Variants in CSRP1 observed in about 807,000 individuals in gnomAD.
CSRP1 encodes cysteine and glycine rich protein 1.
Under a neutral mutation model 25.4 loss-of-function variants are expected in CSRP1, and 16 were observed. The ratio of observed to expected loss-of-function variants is 0.63; its 90% confidence interval spans 0.43 to 0.96. The LOEUF (loss-of-function observed/expected upper bound fraction) is 0.96. Ranked by LOEUF, CSRP1 falls within the 40% of genes least tolerant of loss-of-function variation. The pLI, the probability that CSRP1 is intolerant of heterozygous loss-of-function variation, is 0.00. For synonymous variants in CSRP1, 97 were observed against 95.3 expected, an observed-to-expected ratio of 1.02 and a Z score of -0.10; for missense variants, 212 against 243.6, an observed-to-expected ratio of 0.87 and a Z score of 0.86.
intron 1 of CSRP1, among the ~76,000 whole-genome samples, chr1:201,505,960 A>C (rs1664812130): frequency 6.6e-6 from 1 of 152,188 alleles, no homozygotes; most frequent in Non-Finnish European, 1.5e-5. Flanking sequence ...GAGGACAAGA[A>C]AGACAGTAAC....
chr1:201,505,637 G>A (rs115446669), intron 1 of CSRP1, among the ~76,000 whole-genome samples: 67 of 152,296 alleles, frequency 4.4e-4, no homozygotes, highest in African/African-American at 1.4e-3. Flanking sequence ...CCTCCGCCCC[G>A]GATATCCTCT....
chr1:201,505,185 C>G (rs1664786189), intron 1 of CSRP1, among the ~76,000 whole-genome samples: 1 of 152,174 alleles, frequency 6.6e-6, no homozygotes, highest in Non-Finnish European at 1.5e-5. Flanking sequence ...GAAAAACTGG[C>G]TAGTAACTAT....
chr1:201,487,745 G>A (rs1664192217), intron 4 of CSRP1: 1 of 152,192 alleles, frequency 6.6e-6, no homozygotes, highest in Non-Finnish European at 1.5e-5. Context: ...ACAAACCTGG[G>A]CTTGAGTCTG....
chr1:201,500,523 G>A (rs1014977404), intron 1 of CSRP1, among the ~76,000 whole-genome samples: 1 of 152,280 alleles, frequency 6.6e-6, no homozygotes, highest in African/African-American at 2.4e-5. Flanking sequence ...CATTTAGTTA[G>A]GGCGAGGGTG....
intron 1 of CSRP1, among the ~76,000 whole-genome samples, chr1:201,504,448 C>T (rs1055167525): frequency 1.4e-4 from 21 of 152,242 alleles, no homozygotes; most frequent in Admixed American, 1.2e-3. Flanking sequence ...ACAATATGCC[C>T]TGAGTAATGC....
At position 201,486,946 on chromosome 1, in the gene CSRP1, T is replaced by C. The variant is rs1293603976; in HGVS notation, c.412-1570A>G. ...AACAAAAAACCCAACTTAATAATAA[T>C]ATTAATGTCTCCTGTTTTCATATCC... On this transcript the variant is annotated intron_variant, in intron 4 of 5. Coordinates refer to ENST00000340006, the MANE Select transcript of CSRP1 (RefSeq NM_004078.3). The C allele has an allele frequency of 1.2e-5, 15 of 1,284,704 alleles. No individual in the cohort carries two copies. The Admixed American group carries it at 3.4e-4, about 29-fold the overall frequency. The allele number at this position is 1,284,704 out of a possible 1,614,324, so 79.6% of individuals were successfully genotyped here.
Position 201,507,089 on chromosome 1 carries a change from C to CCGA in CSRP1, c.-22_-21insTCG, listed in dbSNP as rs1664848364. 6.6e-6 allele frequency: 1 copy of CCGA among 152,236 alleles called. No homozygotes were observed. The highest frequency in any genetic ancestry group is 1.5e-5 in the Non-Finnish European group (1 of 68,068). 9.4% of individuals were successfully genotyped at this position (152,236 alleles called of 1,614,324 possible). A position where few individuals can be genotyped will look rare whatever the true frequency, so the allele number is the denominator to read the frequency against. ...ACTCACCTGGCAGCTGGCTCGGCGG[C>CCGA]GCAGGGGCGGCAGGCGCTCTCGGAA... On this transcript the variant is annotated 5_prime_UTR_variant, in exon 1 of 6. Coordinates refer to ENST00000340006, the MANE Select transcript of CSRP1 (RefSeq NM_004078.3).
chr1:201,484,642 C>A lies in CSRP1; in HGVS notation c.*71G>T. ...GACAGAGAAATAATCCTGGAGGTCT[C>A]CAAAGCTGCTGGGAATGGAATGGCG... On this transcript the variant is annotated 3_prime_UTR_variant, in exon 6 of 6. Transcript: ENST00000340006. 1 of 1,404,770 alleles carries A rather than the reference C, an allele frequency of 7.1e-7. No individual in the cohort carries two copies. Among genetic ancestry groups the A allele is most frequent in the South Asian group, 1.2e-5 (1 of 81,490 alleles). The allele number at this position is 1,404,770 out of a possible 1,614,324, so 87.0% of individuals were successfully genotyped here.
intron 1 of CSRP1, among the ~76,000 whole-genome samples, chr1:201,503,489 G>A (rs1664725081): frequency 6.6e-6 from 1 of 152,184 alleles, no homozygotes; most frequent in South Asian, 2.1e-4. Flanking sequence ...GGTAGGGGGT[G>A]CTGGCTGCCT....
intron 1 of CSRP1, among the ~76,000 whole-genome samples, chr1:201,503,674 G>A (rs1354490965): frequency 2.0e-5 from 3 of 152,144 alleles, no homozygotes; most frequent in Non-Finnish European, 2.9e-5. Context: ...CAGTGCTGGC[G>A]TCAGACACAT....
chr1:201,492,370 A>G (rs1208728254), intron 2 of CSRP1: 1 of 152,268 alleles, frequency 6.6e-6, no homozygotes, highest in Non-Finnish European at 1.5e-5. Flanking sequence ...CCAGAGGCCC[A>G]ATCCTGCCCA....
At chr1:201,497,035 GT>G (rs1173925216) in intron 1 of CSRP1, among the ~76,000 whole-genome samples, 2 of 151,958 alleles carry the variant, frequency 1.3e-5, no homozygotes, top group Admixed American at 6.6e-5. Flanking sequence ...CAAGAAAAAA[GT>G]TTTTTTTGTT....
chr1:201,494,251 G>T (rs1421604057), intron 2 of CSRP1, among the ~76,000 whole-genome samples: 1 of 151,932 alleles, frequency 6.6e-6, no homozygotes, highest in Non-Finnish European at 1.5e-5. Context: ...CCGTAAACAG[G>T]TCTGCAGGCA....
At chr1:201,493,260 A>G (rs1168483770) in intron 2 of CSRP1, among the ~76,000 whole-genome samples, 1 of 152,184 alleles carries the variant, frequency 6.6e-6, no homozygotes, top group Non-Finnish European at 1.5e-5. Context: ...ACCTTTGCCT[A>G]TGACATCATC....
At chr1:201,499,768 A>G (rs1310421415) in intron 1 of CSRP1, among the ~76,000 whole-genome samples, 2 of 152,132 alleles carry the variant, frequency 1.3e-5, no homozygotes, top group Non-Finnish European at 2.9e-5. Context: ...GGCGCCCGCC[A>G]CCACCACCAT....
intron 4 of CSRP1, 90 bp downstream of exon 4, chr1:201,488,765 C>CAG: frequency 6.6e-7 from 1 of 1,506,944 alleles, no homozygotes; most frequent in Non-Finnish European, 9.1e-7. Flanking sequence ...CTGCCCTGAG[C>CAG]AGAGCTAGGT....
intron 2 of CSRP1, among the ~76,000 whole-genome samples, chr1:201,494,617 T>C (rs1664446117): frequency 6.6e-6 from 1 of 152,336 alleles, no homozygotes; most frequent in Admixed American, 6.5e-5. Context: ...TGGGTCTACC[T>C]AGCGACAGGC....
chr1:201,500,582 T>C (rs1405978765), intron 1 of CSRP1, among the ~76,000 whole-genome samples: 1 of 152,154 alleles, frequency 6.6e-6, no homozygotes, highest in Non-Finnish European at 1.5e-5. Context: ...TCTATTGCCT[T>C]GAGATGAAAA....
intron 5 of CSRP1, 126 bp from the exon 6 acceptor site, chr1:201,484,915 G>T: frequency 1.3e-6 from 1 of 777,564 alleles, no homozygotes. Flanking sequence ...AGGTCCACTG[G>T]TACCCCCTCA....
Sources: allele counts gnomAD v4.1 joint callset (sites outside exome capture counted in the v4.1 genomes callset), GRCh38; gene constraint gnomAD v4.1.1; transcripts MANE v1.5; gene names NCBI Gene and HGNC (gene_info 2026-07-23, HGNC 2026-07-21).